KCTD20: variants seen among roughly 807,000 people sequenced by gnomAD.
KCTD20 encodes the protein potassium channel tetramerization domain containing 20, also known as BTB/POZ domain-containing protein KCTD20.
KCTD20 carries 30 observed loss-of-function variants against 39.6 expected under a neutral mutation model. The observed-to-expected ratio is 0.76, with a 90% CI of 0.57 to 1.03. KCTD20 has a LOEUF of 1.03. Ranked by LOEUF, KCTD20 falls within the 50% of genes least tolerant of loss-of-function variation. KCTD20 has a pLI of 0.00. For synonymous variants in KCTD20, 162 were observed against 180.6 expected, an observed-to-expected ratio of 0.90 and a Z score of 0.83; for missense variants, 422 against 522.0, an observed-to-expected ratio of 0.81 and a Z score of 1.87.
intron 1 of KCTD20, among the ~76,000 whole-genome samples, chr6:36,450,267 C>T (rs990619462): frequency 1.3e-5 from 2 of 150,506 alleles, no homozygotes; most frequent in African/African-American, 4.9e-5. Context: ...GCAGGTGGAT[C>T]ATCTGAGGTC....
chr6:36,464,107 C>T (rs900867507), intron 1 of KCTD20, among the ~76,000 whole-genome samples: 3 of 152,116 alleles, frequency 2.0e-5, no homozygotes, highest in African/African-American at 7.2e-5. Flanking sequence ...GACTGTACAT[C>T]CTTAGTGGGA....
chr6:36,472,675 C>CT (rs1269639541), intron 2 of KCTD20, among the ~76,000 whole-genome samples: 2 of 151,614 alleles, frequency 1.3e-5, no homozygotes, highest in East Asian at 1.9e-4. Flanking sequence ...CATTAAAAAA[C>CT]TTTTTTTTAC....
chr6:36,458,856 T>C (rs549950840), intron 1 of KCTD20, among the ~76,000 whole-genome samples: 1 of 151,786 alleles, frequency 6.6e-6, no homozygotes, highest in East Asian at 2.0e-4. Flanking sequence ...GAAAAAAAAA[T>C]TAGCCAGGCA....
At chr6:36,448,345 A>G (rs957021408) in intron 1 of KCTD20, among the ~76,000 whole-genome samples, 23 of 152,198 alleles carry the variant, frequency 1.5e-4, no homozygotes, top group Admixed American at 1.5e-3. Context: ...AGTTACAATG[A>G]ATTATTGTTG....
At chr6:36,450,977 C>T (rs895295631) in intron 1 of KCTD20, 1 of 151,724 alleles carries the variant, frequency 6.6e-6, no homozygotes, top group African/African-American at 2.4e-5. Context: ...CTTGATCCCA[C>T]TACTGATCAG....
chr6:36,465,919 C>T (rs1000460631), intron 1 of KCTD20, among the ~76,000 whole-genome samples: 1 of 152,130 alleles, frequency 6.6e-6, no homozygotes, highest in African/African-American at 2.4e-5. Context: ...ACTCTTGCTG[C>T]CTTTCCAAAG....
Position 36,449,890 on chromosome 6 carries a change from C to T in KCTD20, c.-47+6779C>T, listed in dbSNP as rs540352852. Among the ~76,000 whole-genome samples the T allele has an allele frequency of 3.9e-5, 6 of 152,222 alleles. No individual in the cohort carries two copies. In the South Asian group the frequency reaches 6.2e-4, roughly 16 times the overall value. On this transcript the variant is annotated intron_variant, in intron 1 of 7. Coordinates refer to ENST00000373731, the MANE Select transcript of KCTD20 (RefSeq NM_173562.5). ...AAGAAGTTATGTGTTGGTGGCCGGG[C>T]GCGGTGGCTCACGCCTGTAATCCCA...
At chr6:36,465,664 G>A (rs1006943677) in intron 1 of KCTD20, 3 of 152,132 alleles carry the variant, frequency 2.0e-5, no homozygotes, top group African/African-American at 4.8e-5. Context: ...CCAAGATGGG[G>A]AGATGATGGT....
chr6:36,445,884 G>A (rs147637931), intron 1 of KCTD20, among the ~76,000 whole-genome samples: 367 of 152,140 alleles, frequency 2.4e-3, no homozygotes, highest in African/African-American at 8.2e-3. Flanking sequence ...ATTGAAGGAG[G>A]ATATGATGTA....
Position 36,470,114 on chromosome 6 carries a change from G to GCAGTGA in KCTD20, c.27_32dup (p.Ser9_Asp10dup). The GCAGTGA allele has an allele frequency of 6.2e-7, 1 of 1,613,466 alleles. No individual in the cohort carries two copies. Among genetic ancestry groups the GCAGTGA allele is most frequent in the Non-Finnish European group, 8.5e-7 (1 of 1,179,572 alleles). ...AATCTAAGGATGAATGTTCACCGTGGCAGTGACAGTGACAGGTTATTGCGG... is the reference window on the plus strand; with the variant it reads ...AATCTAAGGATGAATGTTCACCGTGGCAGTGACAGTGACAGTGACAGGTTATTGCGG... On this transcript the variant is annotated inframe_insertion, in exon 2 of 8. Transcript: ENST00000373731.
chr6:36,480,360 A>G (rs898179666), intron 5 of KCTD20, among the ~76,000 whole-genome samples: 17 of 151,860 alleles, frequency 1.1e-4, no homozygotes, highest in African/African-American at 4.1e-4. Flanking sequence ...CAGTTCACTA[A>G]TAAAGTCAAA....
At position 36,487,107 on chromosome 6, in the gene KCTD20, CA is replaced by C; in HGVS notation, c.1194del (p.Val399TrpfsTer7). On this transcript the variant is annotated frameshift_variant, in exon 8 of 8. Transcript: ENST00000373731. LOFTEE classifies it high-confidence loss of function. The stretch of plus-strand genomic sequence containing the variant: ...GGAGATATTAATGCATCACCCACCC[CA>C]AGTGGATGAACTTGACCGGCTAAAT... ...DQEILMHHPP[Q>X]VDELDRLNAP... is the part of the protein sequence containing the mutation. The C allele has an allele frequency of 1.2e-6, 2 of 1,614,144 alleles. No homozygotes were observed. Among genetic ancestry groups the C allele is most frequent in the Non-Finnish European group, 1.7e-6 (2 of 1,179,978 alleles).
At chr6:36,449,151 C>T (rs930173976) in intron 1 of KCTD20, among the ~76,000 whole-genome samples, 6 of 152,180 alleles carry the variant, frequency 3.9e-5, no homozygotes, top group Non-Finnish European at 5.9e-5. Flanking sequence ...GCTCAGGTGG[C>T]CAGCATTTAG....
chr6:36,459,717 G>C (rs1775545144), intron 1 of KCTD20, among the ~76,000 whole-genome samples: 1 of 151,980 alleles, frequency 6.6e-6, no homozygotes, highest in African/African-American at 2.4e-5. Flanking sequence ...GACAGCAATT[G>C]GTGCTGGTCC....
intron 1 of KCTD20, among the ~76,000 whole-genome samples, chr6:36,467,329 T>A (rs1354995304): frequency 1.7e-4 from 7 of 42,314 alleles, no homozygotes; most frequent in African/African-American, 7.2e-4. Flanking sequence ...TTTTTTTTTT[T>A]TTTTTTTTTT....
At chr6:36,482,313 G>T (rs1776274962) in intron 6 of KCTD20, among the ~76,000 whole-genome samples, 1 of 152,092 alleles carries the variant, frequency 6.6e-6, no homozygotes, top group African/African-American at 2.4e-5. Context: ...CAGCACTTTG[G>T]GAGGCCGAGG....
At chr6:36,461,957 CATT>C (rs1220559413) in intron 1 of KCTD20, among the ~76,000 whole-genome samples, 3 of 152,188 alleles carry the variant, frequency 2.0e-5, no homozygotes, top group African/African-American at 7.2e-5. Flanking sequence ...TCCTGCTTCT[CATT>C]ATGATTTTCT....
At chr6:36,455,065 A>G (rs1775391092) in intron 1 of KCTD20, among the ~76,000 whole-genome samples, 1 of 152,124 alleles carries the variant, frequency 6.6e-6, no homozygotes, top group Non-Finnish European at 1.5e-5. Flanking sequence ...GACCCATTCC[A>G]GTTTTTGTCT....
intron 3 of KCTD20, among the ~76,000 whole-genome samples, chr6:36,475,301 C>G (rs1345416681): frequency 6.6e-6 from 1 of 152,026 alleles, no homozygotes; most frequent in African/African-American, 2.4e-5. Flanking sequence ...CAAAAATTAG[C>G]TGGGTGTGGT....
Sources: allele counts gnomAD v4.1 joint callset (sites outside exome capture counted in the v4.1 genomes callset), GRCh38; gene constraint gnomAD v4.1.1; transcripts MANE v1.5; gene names NCBI Gene and HGNC (gene_info 2026-07-23, HGNC 2026-07-21).